Variants in CACNB4 observed in about 807,000 individuals in gnomAD.
CACNB4 encodes voltage-dependent L-type calcium channel subunit beta-4.
Under a neutral mutation model 71.2 loss-of-function variants are expected in CACNB4, and 32 were observed. That is an observed-to-expected ratio of 0.45 (90% CI 0.34 to 0.60). The LOEUF (loss-of-function observed/expected upper bound fraction) is 0.60. Among genes scored for constraint, CACNB4 ranks in the 20% least tolerant of loss-of-function variants. CACNB4 has a pLI of 0.01. For missense variants in CACNB4, 464 were observed against 647.9 expected (o/e 0.72, Z 3.08); for synonymous variants, 231 against 236.9 (o/e 0.97, Z 0.23).
rs187540392 is a variant in CACNB4, at chr2:151,893,691, G to A, written c.148-10321C>T. ...CTATGCTAAAGTTTTAAAATAGCATGCCAAAAAGTTCAGAAGCCATGAAAA... is the reference window on the plus strand; with the variant it reads ...CTATGCTAAAGTTTTAAAATAGCATACCAAAAAGTTCAGAAGCCATGAAAA... On this transcript the variant is annotated intron_variant, in intron 2 of 13. Transcript: ENST00000539935. Among the ~76,000 whole-genome samples, 188 of 152,086 alleles carry A rather than the reference G, an allele frequency of 1.2e-3. 1 individual carries two copies. Among genetic ancestry groups the A allele is most frequent in the African/African-American group, 4.5e-3 (187 of 41,518 alleles).
rs184283101 is a variant in CACNB4 at position 151,919,916 on chromosome 2, A to G, written c.148-36546T>C. On this transcript the variant is annotated intron_variant, in intron 2 of 13. Transcript: ENST00000539935. Reference sequence around the variant, plus strand: ...ACAAAAACTAGAATATATCTTGGAAAGTTCAGACGAGACTCACTTCCTAAA... The same window carrying G: ...ACAAAAACTAGAATATATCTTGGAAGGTTCAGACGAGACTCACTTCCTAAA... Among the ~76,000 whole-genome samples the G allele has an allele frequency of 2.8e-4, 43 of 152,330 alleles. No homozygotes were observed. The East Asian group carries it at 5.0e-3, about 18-fold the overall frequency.
upstream of CACNB4, chr2:152,099,146 C>T (rs930294396): frequency 5.5e-6 from 3 of 543,316 alleles, no homozygotes; most frequent in African/African-American, 4.1e-5. Context: ...CGCCCAGGCT[C>T]CCTGCCCGCA....
At chr2:151,876,783 C>G (rs562144947) in intron 4 of CACNB4, among the ~76,000 whole-genome samples, 1 of 139,094 alleles carries the variant, frequency 7.2e-6, no homozygotes, top group Non-Finnish European at 1.5e-5. Flanking sequence ...ATATACTATA[C>G]TATATACTAT....
At chr2:152,096,285 C>G (rs1211664647) in intron 2 of CACNB4, among the ~76,000 whole-genome samples, 2 of 151,914 alleles carry the variant, frequency 1.3e-5, no homozygotes, top group Non-Finnish European at 2.9e-5. Flanking sequence ...AGATAAAGAC[C>G]ATCCTGGCTA....
chr2:151,997,541 A>G (rs1174989292), intron 2 of CACNB4, among the ~76,000 whole-genome samples: 4 of 151,554 alleles, frequency 2.6e-5, no homozygotes, highest in African/African-American at 9.7e-5. Context: ...CTCAAAAAAA[A>G]AGAGACGAAG....
At chr2:151,985,887 A>G (rs1441416294) in intron 2 of CACNB4, among the ~76,000 whole-genome samples, 1 of 152,164 alleles carries the variant, frequency 6.6e-6, no homozygotes, top group African/African-American at 2.4e-5. Flanking sequence ...GAAAATCTGA[A>G]TCATCTCTGG....
At chr2:151,997,336 C>T (rs1682107699) in intron 2 of CACNB4, among the ~76,000 whole-genome samples, 1 of 152,078 alleles carries the variant, frequency 6.6e-6, no homozygotes, top group Admixed American at 6.6e-5. Context: ...AGATCGAGAC[C>T]ATCCTGGCCA....
intron 7 of CACNB4, 24 bp downstream of exon 7, chr2:151,870,818 A>C: frequency 6.3e-7 from 1 of 1,586,794 alleles, no homozygotes; most frequent in Non-Finnish European, 8.6e-7. Context: ...TTAACAGTAG[A>C]TTTAAAAAGG....
intron 2 of CACNB4, among the ~76,000 whole-genome samples, chr2:152,091,318 G>A (rs1687960635): frequency 6.6e-6 from 1 of 152,076 alleles, no homozygotes; most frequent in South Asian, 2.1e-4. Context: ...CATTGTAACT[G>A]GATTACACCA....
At chr2:152,096,221 C>T (rs948900196) in intron 2 of CACNB4, among the ~76,000 whole-genome samples, 3 of 152,044 alleles carry the variant, frequency 2.0e-5, no homozygotes, top group East Asian at 3.9e-4. Context: ...TGGTGGCTCA[C>T]GCCTGTAATC....
chr2:152,054,322 C>T (rs1014764911), intron 2 of CACNB4, among the ~76,000 whole-genome samples: 4 of 144,868 alleles, frequency 2.8e-5, no homozygotes, highest in African/African-American at 5.2e-5. Flanking sequence ...GCCGAGATCG[C>T]GCCACTGCAC....
intron 2 of CACNB4, among the ~76,000 whole-genome samples, chr2:151,918,874 C>T (rs956745): frequency 0.46 from 70,716 of 152,188 alleles, 18,744 homozygotes; most frequent in East Asian, 0.79. Flanking sequence ...CGACTTCATA[C>T]AGATTTTATA....
intron 2 of CACNB4, among the ~76,000 whole-genome samples, chr2:151,950,353 C>T (rs1196461122): frequency 6.6e-6 from 1 of 152,214 alleles, no homozygotes; most frequent in Non-Finnish European, 1.5e-5. Flanking sequence ...GATGTCTGCT[C>T]TAAAGATCTC....
At chr2:151,872,794 A>C (rs964242664) in intron 5 of CACNB4, 1 of 212,466 alleles carries the variant, frequency 4.7e-6, no homozygotes, top group Non-Finnish European at 9.3e-6. Flanking sequence ...TTAACCTAAC[A>C]CCAGGCACCA....
At chr2:151,883,045 A>C (rs1036305343) in intron 3 of CACNB4, 2 of 560,178 alleles carry the variant, frequency 3.6e-6, no homozygotes, top group African/African-American at 3.8e-5. Flanking sequence ...AACCAAATAC[A>C]AAAAGGTGAA....
chr2:152,072,366 G>A (rs1206695060), intron 2 of CACNB4, among the ~76,000 whole-genome samples: 2 of 152,206 alleles, frequency 1.3e-5, no homozygotes, highest in Non-Finnish European at 2.9e-5. Context: ...GTGGCTAGGG[G>A]AGCTTAATGA....
intron 2 of CACNB4, among the ~76,000 whole-genome samples, chr2:152,006,401 C>CTTT (rs60046879): frequency 7.2e-5 from 10 of 138,540 alleles, no homozygotes; most frequent in Non-Finnish European, 9.2e-5. Flanking sequence ...TCTTTTCTTT[C>CTTT]TTTTTTTTTT....
At chr2:151,950,533 C>A (rs565272337) in intron 2 of CACNB4, among the ~76,000 whole-genome samples, 12 of 152,328 alleles carry the variant, frequency 7.9e-5, no homozygotes, top group Non-Finnish European at 1.6e-4. Context: ...ATGTTCCCAG[C>A]AGCACTATTC....
chr2:151,833,726 A>G lies in CACNB4; in HGVS notation c.*5393T>C, dbSNP rs1161314412. 1 of 152,072 alleles carries G rather than the reference A, an allele frequency of 6.6e-6. No individual in the cohort carries two copies. Among genetic ancestry groups the G allele is most frequent in the African/African-American group, 2.4e-5 (1 of 41,436 alleles). The allele number at this position is 152,072 out of a possible 1,614,324, so 9.4% of individuals were successfully genotyped here. A position where few individuals can be genotyped will look rare whatever the true frequency, so the allele number is the denominator to read the frequency against. On this transcript the variant is annotated 3_prime_UTR_variant, in exon 14 of 14. Coordinates refer to ENST00000539935, the MANE Select transcript of CACNB4 (RefSeq NM_000726.5). ...ATACTTTTAAAAAATATGACTGCCAAATTTAACGGTGGATTTTGTTATAAG... is the reference window on the plus strand; with the variant it reads ...ATACTTTTAAAAAATATGACTGCCAGATTTAACGGTGGATTTTGTTATAAG...
Sources: gnomAD v4.1 joint callset for allele counts (sites outside exome capture counted in the v4.1 genomes callset) on GRCh38, gnomAD v4.1.1 for gene constraint, MANE v1.5 for transcripts, NCBI Gene and HGNC (gene_info 2026-07-23, HGNC 2026-07-21) for gene names.